Variants in MECOM observed in about 807,000 individuals in gnomAD.
MECOM encodes the protein histone-lysine N-methyltransferase MECOM.
A neutral mutation model predicts 116.3 loss-of-function variants in MECOM; 13 were observed. The ratio of observed to expected loss-of-function variants is 0.11; its 90% CI spans 0.07 to 0.18. The LOEUF (loss-of-function observed/expected upper bound fraction) is 0.18. Ranked by LOEUF, MECOM falls within the 10% of genes least tolerant of loss-of-function variation. The pLI is 1.00. For missense variants in MECOM, 1,299 were observed against 1,509.0 expected (o/e 0.86, Z 2.31); for synonymous variants, 528 against 535.2 (o/e 0.99, Z 0.19).
intron 2 of MECOM, among the ~76,000 whole-genome samples, chr3:169,378,473 GCA>G (rs543475652): frequency 0.012 from 586 of 47,920 alleles, 75 homozygotes; most frequent in Middle Eastern, 0.038. Flanking sequence ...AAGCAAGCAA[GCA>G]AGAAAGAGAG....
Position 169,308,267 on chromosome 3 carries a change from A to C in MECOM, c.375+72920T>G, listed in dbSNP as rs181774638. ...AGTTACTTAGAGAAGGTGCTCAATAAATATTCACTAAAGTGAATCAATTAA... is the reference window on the plus strand; with the variant it reads ...AGTTACTTAGAGAAGGTGCTCAATACATATTCACTAAAGTGAATCAATTAA... On this transcript the variant is annotated intron_variant, in intron 2 of 16. Transcript: ENST00000651503. Among the ~76,000 whole-genome samples, 4 of 152,354 alleles carry C rather than the reference A, an allele frequency of 2.6e-5. No homozygotes were observed. The East Asian group carries it at 7.7e-4, about 29-fold the overall frequency.
chr3:169,149,060 C>A (rs990041674), intron 2 of MECOM, among the ~76,000 whole-genome samples: 1 of 150,626 alleles, frequency 6.6e-6, no homozygotes, highest in African/African-American at 2.5e-5. Context: ...CCTCAACTTG[C>A]CCATTGTCGG....
chr3:169,563,179 T>C (rs939240380), intron 1 of MECOM, among the ~76,000 whole-genome samples: 11 of 151,928 alleles, frequency 7.2e-5, no homozygotes, highest in African/African-American at 2.7e-4. Flanking sequence ...CAGCAGAGGG[T>C]GCACCCTGGC....
chr3:169,610,600 T>C (rs1449302534), intron 1 of MECOM, among the ~76,000 whole-genome samples: 1 of 151,980 alleles, frequency 6.6e-6, no homozygotes, highest in Non-Finnish European at 1.5e-5. Flanking sequence ...CTCATACAAA[T>C]AGTAAGTATA....
At chr3:169,290,354 C>T (rs1431359539) in intron 2 of MECOM, among the ~76,000 whole-genome samples, 1 of 152,014 alleles carries the variant, frequency 6.6e-6, no homozygotes, top group African/African-American at 2.4e-5. Context: ...TTATTTAACC[C>T]AGATTTATTA....
chr3:169,125,059 G>A (rs975369204), intron 5 of MECOM, among the ~76,000 whole-genome samples: 11 of 151,888 alleles, frequency 7.2e-5, no homozygotes, highest in African/African-American at 1.9e-4. Flanking sequence ...AACTCTATTC[G>A]TACTGGCACA....
intron 2 of MECOM, among the ~76,000 whole-genome samples, chr3:169,277,486 G>C (rs932385581): frequency 1.5e-4 from 23 of 152,264 alleles, no homozygotes; most frequent in Non-Finnish European, 1.2e-4. Context: ...CTATGAAGCA[G>C]AGGACTCTGA....
At chr3:169,288,261 A>G (rs1713782730) in intron 2 of MECOM, among the ~76,000 whole-genome samples, 1 of 152,126 alleles carries the variant, frequency 6.6e-6, no homozygotes, top group African/African-American at 2.4e-5. Flanking sequence ...ATTTACTTTG[A>G]ACTAAAAACC....
chr3:169,584,384 T>A (rs1024397719), intron 1 of MECOM, among the ~76,000 whole-genome samples: 1 of 151,050 alleles, frequency 6.6e-6, no homozygotes, highest in Non-Finnish European at 1.5e-5. Flanking sequence ...GCTAACACGG[T>A]GAAACCCCGT....
At chr3:169,327,210 T>C (rs1373200697) in intron 2 of MECOM, among the ~76,000 whole-genome samples, 2 of 152,184 alleles carry the variant, frequency 1.3e-5, no homozygotes, top group African/African-American at 2.4e-5. Context: ...TTGTTTGCAT[T>C]TATGGTCATG....
intron 1 of MECOM, among the ~76,000 whole-genome samples, chr3:169,624,984 C>T (rs546138009): frequency 4.6e-5 from 7 of 151,200 alleles, no homozygotes; most frequent in Non-Finnish European, 7.4e-5. Context: ...ATCCCCAAAG[C>T]TCCCAACCCT....
intron 2 of MECOM, among the ~76,000 whole-genome samples, chr3:169,197,529 A>G (rs931657582): frequency 3.9e-5 from 6 of 151,982 alleles, no homozygotes; most frequent in African/African-American, 1.4e-4. Context: ...TTACAAGGCA[A>G]TTCATATGAT....
intron 2 of MECOM, among the ~76,000 whole-genome samples, chr3:169,159,126 T>C (rs1383913810): frequency 6.6e-6 from 1 of 152,184 alleles, no homozygotes; most frequent in Admixed American, 6.5e-5. Context: ...AGGAAAACAC[T>C]TGGCCTCATG....
intron 2 of MECOM, among the ~76,000 whole-genome samples, chr3:169,169,751 T>A (rs1278705703): frequency 6.6e-6 from 1 of 152,118 alleles, no homozygotes; most frequent in Non-Finnish European, 1.5e-5. Flanking sequence ...AACCATCTTA[T>A]CAGAAGTTTA....
At chr3:169,659,547 G>A (rs1776001775) in intron 1 of MECOM, among the ~76,000 whole-genome samples, 1 of 144,766 alleles carries the variant, frequency 6.9e-6, no homozygotes, top group Admixed American at 7.3e-5. Context: ...CTAAGCCCGG[G>A]TAATGGTCAA....
intron 1 of MECOM, among the ~76,000 whole-genome samples, chr3:169,500,323 A>G (rs1015312977): frequency 2.6e-5 from 4 of 152,040 alleles, no homozygotes; most frequent in African/African-American, 7.2e-5. Context: ...TGTATCTTCC[A>G]TAAGTCTGAT....
intron 1 of MECOM, among the ~76,000 whole-genome samples, chr3:169,467,708 C>T (rs1272213247): frequency 6.6e-6 from 1 of 152,132 alleles, no homozygotes. Flanking sequence ...CAGTGGTAAG[C>T]TTTCATTGTT....
intron 1 of MECOM, among the ~76,000 whole-genome samples, chr3:169,417,968 G>T (rs936892778): frequency 3.5e-4 from 52 of 148,496 alleles, no homozygotes; most frequent in African/African-American, 1.2e-3. Context: ...GGGGTTGGGG[G>T]AGCGGGGAGG....
chr3:169,417,179 A>C (rs532751216), intron 1 of MECOM, among the ~76,000 whole-genome samples: 8 of 151,430 alleles, frequency 5.3e-5, no homozygotes, highest in East Asian at 3.9e-4. Flanking sequence ...CAACCTACAA[A>C]ATGGGAGAAA....
Sources: allele counts gnomAD v4.1 joint callset (sites outside exome capture counted in the v4.1 genomes callset), GRCh38; gene constraint gnomAD v4.1.1; transcripts MANE v1.5; gene names NCBI Gene and HGNC (gene_info 2026-07-23, HGNC 2026-07-21).